The following CALN1 variants were observed in gnomAD, a reference collection of about 807,000 sequenced individuals.
CALN1 encodes calcium-binding protein 8.
In CALN1, 17 loss-of-function variants were observed where a neutral mutation model predicts 30.6. That is an observed-to-expected ratio of 0.56 (90% CI 0.38 to 0.83). The LOEUF is 0.83. Ranked by LOEUF, CALN1 falls within the 40% of genes least tolerant of loss-of-function variation. The pLI is 0.00. For synonymous variants in CALN1, 156 were observed against 131.4 expected (o/e 1.19, Z -1.28); for missense variants, 291 against 354.9 (o/e 0.82, Z 1.45).
chr7:72,466,234 A>ATGTGTGG, the CALN1 span, among the ~76,000 whole-genome samples: 1 of 151,744 alleles, frequency 6.6e-6, no homozygotes, highest in Non-Finnish European at 1.5e-5. Flanking sequence ...TTTTCTTGAG[A>ATGTGTGG]TGTGTGGTGT....
intron 5 of CALN1, among the ~76,000 whole-genome samples, chr7:71,909,887 C>T (rs1435279005): frequency 2.0e-5 from 3 of 152,162 alleles, no homozygotes; most frequent in Admixed American, 6.5e-5. Context: ...AAGATACTAC[C>T]TAAGACTGGG....
intron 4 of CALN1, among the ~76,000 whole-genome samples, chr7:72,082,423 G>A (rs549092554): frequency 1.2e-4 from 18 of 152,264 alleles, no homozygotes; most frequent in African/African-American, 4.3e-4. Flanking sequence ...GGTTGGATAG[G>A]GCAGGAGAGC....
chr7:72,128,985 T>A (rs1219742140), intron 3 of CALN1, among the ~76,000 whole-genome samples: 1 of 152,090 alleles, frequency 6.6e-6, no homozygotes, highest in East Asian at 1.9e-4. Context: ...AGGAGCTAAT[T>A]TCCCTCACAT....
At chr7:72,379,227 T>G (rs908987093) in intron 2 of CALN1, among the ~76,000 whole-genome samples, 3 of 152,134 alleles carry the variant, frequency 2.0e-5, no homozygotes, top group African/African-American at 7.2e-5. Context: ...ACTCCTGCCC[T>G]TAAGCAATCC....
At chr7:72,126,845 C>T (rs1039950872) in intron 3 of CALN1, among the ~76,000 whole-genome samples, 4 of 151,938 alleles carry the variant, frequency 2.6e-5, no homozygotes, top group Admixed American at 6.6e-5. Flanking sequence ...GACTATAATA[C>T]ATATTGGGTA....
chr7:72,456,182 CAAA>C, the CALN1 span, among the ~76,000 whole-genome samples: 21 of 115,478 alleles, frequency 1.8e-4, no homozygotes, highest in African/African-American at 5.4e-4. Flanking sequence ...CACTCAGTCT[CAAA>C]AAAAAAAAAA....
At chr7:71,791,361 C>T (rs996103292) in intron 6 of CALN1, among the ~76,000 whole-genome samples, 1 of 152,154 alleles carries the variant, frequency 6.6e-6, no homozygotes, top group Admixed American at 6.5e-5. Flanking sequence ...GTTTCTAGCT[C>T]TTCGAGGAAT....
chr7:71,917,306 C>T (rs1794729596), intron 5 of CALN1, among the ~76,000 whole-genome samples: 1 of 152,082 alleles, frequency 6.6e-6, no homozygotes, highest in Non-Finnish European at 1.5e-5. Flanking sequence ...TCAAAAGGTA[C>T]AAATGTTCAG....
chr7:72,471,508 G>A, the CALN1 span, among the ~76,000 whole-genome samples: 1 of 152,234 alleles, frequency 6.6e-6, no homozygotes, highest in African/African-American at 2.4e-5. Context: ...GCTGGAAGCA[G>A]GGTGTCTCTG....
At chr7:71,985,575 G>C (rs1011941902) in intron 5 of CALN1, among the ~76,000 whole-genome samples, 1 of 149,772 alleles carries the variant, frequency 6.7e-6, no homozygotes, top group Non-Finnish European at 1.5e-5. Flanking sequence ...ATGCTGTACA[G>C]GTAGTTTTCT....
chr7:72,429,537 A>G (rs1293805197), intron 1 of CALN1, among the ~76,000 whole-genome samples: 1 of 152,140 alleles, frequency 6.6e-6, no homozygotes, highest in Non-Finnish European at 1.5e-5. Flanking sequence ...ATGAATTAGT[A>G]GCAGCTGTTG....
chr7:72,317,571 G>A (rs947896318), intron 2 of CALN1, among the ~76,000 whole-genome samples: 5 of 152,172 alleles, frequency 3.3e-5, no homozygotes, highest in Non-Finnish European at 5.9e-5. Context: ...GGCTGCAAAC[G>A]CTGGAGACAG....
chr7:72,182,857 A>T (rs1562701861), intron 3 of CALN1, among the ~76,000 whole-genome samples: 1 of 151,916 alleles, frequency 6.6e-6, no homozygotes, highest in Admixed American at 6.6e-5. Context: ...AATTATATGG[A>T]CAACTGTGAC....
At chr7:72,096,528 C>T (rs890578576) in intron 4 of CALN1, among the ~76,000 whole-genome samples, 1 of 151,684 alleles carries the variant, frequency 6.6e-6, no homozygotes, top group African/African-American at 2.4e-5. Flanking sequence ...GGCTCATGGC[C>T]GGGCATGATG....
At chr7:72,226,209 C>CA (rs1793666196) in intron 3 of CALN1, among the ~76,000 whole-genome samples, 1 of 151,836 alleles carries the variant, frequency 6.6e-6, no homozygotes, top group Non-Finnish European at 1.5e-5. Flanking sequence ...CACAGCATTG[C>CA]ACTCCAACCT....
At chr7:71,901,814 C>T (rs1010792578) in intron 5 of CALN1, among the ~76,000 whole-genome samples, 4 of 152,086 alleles carry the variant, frequency 2.6e-5, no homozygotes, top group African/African-American at 9.7e-5. Flanking sequence ...TATTTAAATA[C>T]TAGAAGAAAA....
At chr7:72,319,106 G>C (rs1260046235) in intron 2 of CALN1, among the ~76,000 whole-genome samples, 2 of 152,160 alleles carry the variant, frequency 1.3e-5, no homozygotes, top group African/African-American at 4.8e-5. Flanking sequence ...AGCACTATTT[G>C]CAACAGCAAA....
intron 2 of CALN1, among the ~76,000 whole-genome samples, chr7:72,329,155 A>AAACTGAAATCAT (rs1562892626): frequency 6.6e-6 from 1 of 152,248 alleles, no homozygotes; most frequent in Non-Finnish European, 1.5e-5. Context: ...TTTTTAAACA[A>AAACTGAAATCAT]AACTGAAATC....
At chr7:72,189,189 C>T (rs549218734) in intron 3 of CALN1, among the ~76,000 whole-genome samples, 3 of 152,308 alleles carry the variant, frequency 2.0e-5, no homozygotes, top group Admixed American at 6.5e-5. Context: ...TGTGGATTAT[C>T]ATGATAGGAA....
Sources: allele counts gnomAD v4.1 joint callset (sites outside exome capture counted in the v4.1 genomes callset), GRCh38; gene constraint gnomAD v4.1.1; transcripts MANE v1.5; gene names NCBI Gene and HGNC (gene_info 2026-07-23, HGNC 2026-07-21).